Variants in COP1 observed in about 807,000 individuals in gnomAD.
The protein encoded by COP1 is E3 ubiquitin-protein ligase COP1.
Under a neutral mutation model 101.3 loss-of-function variants are expected in COP1, and 24 were observed. The observed-to-expected ratio is 0.24, with a 90% CI of 0.17 to 0.33. The LOEUF (loss-of-function observed/expected upper bound fraction) is 0.33, where lower values mean the gene tolerates loss of function less well. Ranked by LOEUF, COP1 falls within the 10% of genes least tolerant of loss-of-function variation. COP1 has a pLI of 1.00. For missense variants in COP1, 663 were observed against 906.2 expected, an observed-to-expected ratio of 0.73 and a Z score of 3.45; for synonymous variants, 347 against 341.9, an observed-to-expected ratio of 1.01 and a Z score of -0.17.
chr1:176,164,534 A>T (rs568171880), intron 3 of COP1, among the ~76,000 whole-genome samples: 2 of 152,198 alleles, frequency 1.3e-5, no homozygotes, highest in South Asian at 2.1e-4. Context: ...CCAAAGAGAG[A>T]TGTGCTATCT....
intron 14 of COP1, among the ~76,000 whole-genome samples, chr1:176,031,960 AT>A (rs1668715900): frequency 6.6e-6 from 1 of 152,196 alleles, no homozygotes; most frequent in Non-Finnish European, 1.5e-5. Flanking sequence ...ATAACATCAG[AT>A]TCAGTTCCAG....
intron 9 of COP1, among the ~76,000 whole-genome samples, chr1:176,114,719 C>T (rs1685892703): frequency 6.6e-6 from 1 of 152,000 alleles, no homozygotes; most frequent in African/African-American, 2.4e-5. Flanking sequence ...TCCCAAGTAG[C>T]TGAAACCACA....
intron 14 of COP1, among the ~76,000 whole-genome samples, chr1:176,041,734 G>A (rs1670573406): frequency 6.6e-6 from 1 of 152,182 alleles, no homozygotes; most frequent in South Asian, 2.1e-4. Context: ...GGGAAGTCGA[G>A]GTGGGTAGAT....
chr1:175,971,134 G>A (rs1653153591), intron 18 of COP1, among the ~76,000 whole-genome samples: 1 of 152,158 alleles, frequency 6.6e-6, no homozygotes, highest in South Asian at 2.1e-4. Context: ...AATGATTCTG[G>A]GGTTTTAGAC....
intron 11 of COP1, among the ~76,000 whole-genome samples, chr1:176,072,606 T>C (rs569700927): frequency 1.3e-5 from 2 of 152,296 alleles, no homozygotes; most frequent in African/African-American, 4.8e-5. Flanking sequence ...ATCATATCCA[T>C]TCCTTAGAAA....
At chr1:175,986,287 G>A (rs1414570343) in intron 18 of COP1, among the ~76,000 whole-genome samples, 1 of 152,042 alleles carries the variant, frequency 6.6e-6, no homozygotes, top group Non-Finnish European at 1.5e-5. Flanking sequence ...CCAAAGTGCT[G>A]GGATTACAGG....
At chr1:176,073,790 C>T (rs1422973390) in intron 11 of COP1, among the ~76,000 whole-genome samples, 3 of 152,198 alleles carry the variant, frequency 2.0e-5, no homozygotes, top group Admixed American at 6.5e-5. Flanking sequence ...AAGAAAAATA[C>T]GTTTCTGGTT....
intron 8 of COP1, among the ~76,000 whole-genome samples, chr1:176,122,063 C>T (rs1687222686): frequency 6.7e-6 from 1 of 148,944 alleles, no homozygotes; most frequent in African/African-American, 2.5e-5. Context: ...TGGTGTGAAC[C>T]TGGGAGGTGG....
At chr1:176,049,858 C>T (rs1379797254) in intron 11 of COP1, among the ~76,000 whole-genome samples, 1 of 152,072 alleles carries the variant, frequency 6.6e-6, no homozygotes, top group Non-Finnish European at 1.5e-5. Flanking sequence ...AATCTGATAA[C>T]CCAAGCAAAA....
intron 15 of COP1, among the ~76,000 whole-genome samples, chr1:176,020,373 T>C (rs1278829064): frequency 6.9e-6 from 1 of 145,386 alleles, no homozygotes; most frequent in Non-Finnish European, 1.5e-5. Flanking sequence ...GGTTTATACA[T>C]AGATATTAGT....
chr1:176,201,481 CT>C (rs1700251409), intron 1 of COP1, among the ~76,000 whole-genome samples: 5 of 152,140 alleles, frequency 3.3e-5, no homozygotes. Context: ...AGTAACAGTT[CT>C]TAGATGGAAC....
chr1:176,000,834 A>G (rs1358308138), intron 15 of COP1, among the ~76,000 whole-genome samples: 1 of 151,926 alleles, frequency 6.6e-6, no homozygotes, highest in Non-Finnish European at 1.5e-5. Context: ...GTATATTTTA[A>G]AAGTTATTTT....
rs144659165 is a variant in COP1 at position 176,176,193 on chromosome 1, A to G, written c.468-186T>C. Reference sequence around the variant, plus strand: ...AGGGCACTTACTGGGTAAACACTACACAAAAGTTATTTCAAACCAAACTCA... The same window carrying G: ...AGGGCACTTACTGGGTAAACACTACGCAAAAGTTATTTCAAACCAAACTCA... On this transcript the variant is annotated intron_variant, in intron 2 of 19. Coordinates refer to ENST00000367669, the MANE Select transcript of COP1 (RefSeq NM_022457.7). 4.0e-3 allele frequency among the ~76,000 whole-genome samples: 602 copies of G among 152,300 alleles called. 1 individual carries two copies. Among genetic ancestry groups the G allele is most frequent in the Middle Eastern group, 0.017 (5 of 292 alleles).
intron 6 of COP1, among the ~76,000 whole-genome samples, chr1:176,141,352 T>G (rs1170946109): frequency 1.3e-5 from 2 of 151,976 alleles, no homozygotes. Context: ...AATATAAAAA[T>G]TAGCCAGGCG....
Position 175,969,728 on chromosome 1 carries a change from G to A in COP1, c.2133+17215C>T, listed in dbSNP as rs545366208. Among the ~76,000 whole-genome samples, 3 of 152,242 alleles carry A rather than the reference G, an allele frequency of 2.0e-5. No individual in the cohort carries two copies. In the South Asian group the frequency reaches 6.2e-4, roughly 32 times the overall value. ...TCCGTCATGAATCAAGCCAACAGGT[G>A]AGAAAAATCTTTTCTCCCTTACAGC... is the stretch of plus-strand genomic sequence containing the variant. On this transcript the variant is annotated intron_variant, in intron 18 of 19. Coordinates refer to ENST00000367669, the MANE Select transcript of COP1 (RefSeq NM_022457.7).
chr1:176,143,440 T>A (rs1283197397), intron 6 of COP1, among the ~76,000 whole-genome samples: 2 of 152,162 alleles, frequency 1.3e-5, no homozygotes, highest in Admixed American at 1.3e-4. Context: ...AAAAAAGATG[T>A]TCTTAGACTA....
At chr1:176,176,130 A>C in intron 2 of COP1, 123 bp from the exon 3 acceptor site, 1 of 565,638 alleles carries the variant, frequency 1.8e-6, no homozygotes. Flanking sequence ...TAATAAATTT[A>C]TTTTTGCTTA....
intron 2 of COP1, among the ~76,000 whole-genome samples, chr1:176,183,235 A>G (rs1160333625): frequency 6.6e-6 from 1 of 152,256 alleles, no homozygotes; most frequent in Non-Finnish European, 1.5e-5. Context: ...TTCATGATGA[A>G]GGGATATAAA....
intron 15 of COP1, among the ~76,000 whole-genome samples, chr1:176,012,092 G>A (rs1287605947): frequency 6.6e-6 from 1 of 152,206 alleles, no homozygotes; most frequent in Non-Finnish European, 1.5e-5. Flanking sequence ...GTTGAGGCAG[G>A]AGGACTGCTT....
Sources: gnomAD v4.1 joint callset for allele counts (sites outside exome capture counted in the v4.1 genomes callset) on GRCh38, gnomAD v4.1.1 for gene constraint, MANE v1.5 for transcripts, NCBI Gene and HGNC (gene_info 2026-07-23, HGNC 2026-07-21) for gene names.